SRGAP3: variants seen among roughly 807,000 people sequenced by gnomAD.
SRGAP3 encodes the protein SLIT-ROBO Rho GTPase-activating protein 3.
Under a neutral mutation model 121.1 loss-of-function variants are expected in SRGAP3, and 39 were observed. That is an observed-to-expected ratio of 0.32 (90% confidence interval 0.25 to 0.42). SRGAP3 has a LOEUF of 0.42. Among genes scored for constraint, SRGAP3 ranks in the 10% least tolerant of loss-of-function variants. The probability of loss-of-function intolerance (pLI) is 1.00; values close to 1 mark genes in which losing one functional copy is unlikely to be tolerated. For missense variants in SRGAP3, 1,213 were observed against 1,470.6 expected, an observed-to-expected ratio of 0.82 and a Z score of 2.86; for synonymous variants, 601 against 570.0, an observed-to-expected ratio of 1.05 and a Z score of -0.77.
chr3:9,068,046 C>T (rs1946512473), intron 4 of SRGAP3, among the ~76,000 whole-genome samples: 1 of 152,184 alleles, frequency 6.6e-6, no homozygotes, highest in African/African-American at 2.4e-5. Flanking sequence ...CCCTCCACAT[C>T]CACAGACAAC....
chr3:9,124,917 T>C lies in SRGAP3; in HGVS notation c.68A>G (p.Glu23Gly), dbSNP rs1478652467. The C allele has an allele frequency of 6.2e-7, 1 of 1,614,042 alleles. No homozygotes were observed. The highest frequency in any genetic ancestry group is 8.5e-7 in the Non-Finnish European group (1 of 1,180,026). The change falls in exon 2 of 22, where the codon GAG becomes GGG. Residue 23 changes from glutamate (E) to glycine (G), a missense_variant and splice_region_variant. Transcript: ENST00000383836. The part of the protein sequence containing the change: ...IIAEYEAQIK[E>G]IRTQLVEQFK... ...CTGCTCCACCAGCTGCGTGCGGATC[T>C]CTGCGGGCACACAAGGGTAGGAGCA...
intron 1 of SRGAP3, among the ~76,000 whole-genome samples, chr3:9,129,829 T>G (rs570279203): frequency 8.2e-4 from 124 of 151,934 alleles, no homozygotes; most frequent in Non-Finnish European, 1.3e-3. Context: ...TGGCGCCATC[T>G]CAACTCACTG....
intron 3 of SRGAP3, among the ~76,000 whole-genome samples, chr3:9,277,557 G>A (rs1259668883): frequency 2.2e-5 from 3 of 137,900 alleles, no homozygotes; most frequent in Non-Finnish European, 4.6e-5. Context: ...GCAGTGAACC[G>A]AGATCACACC....
At chr3:9,133,876 G>C (rs1366919516) in intron 1 of SRGAP3, among the ~76,000 whole-genome samples, 3 of 152,158 alleles carry the variant, frequency 2.0e-5, no homozygotes, top group African/African-American at 7.2e-5. Context: ...TTGGAGACGG[G>C]GAGTGGTAGG....
intron 4 of SRGAP3, among the ~76,000 whole-genome samples, chr3:9,066,967 T>C (rs978826136): frequency 6.6e-6 from 1 of 152,214 alleles, no homozygotes; most frequent in African/African-American, 2.4e-5. Flanking sequence ...CTGTGTGACC[T>C]TGGACAAGTC....
intron 4 of SRGAP3, among the ~76,000 whole-genome samples, chr3:9,068,559 G>T (rs1404538596): frequency 6.6e-6 from 1 of 152,050 alleles, no homozygotes; most frequent in Non-Finnish European, 1.5e-5. Context: ...CACTGCCGAG[G>T]GTGACTTATG....
intron 1 of SRGAP3, among the ~76,000 whole-genome samples, chr3:9,232,281 T>A (rs1226896344): frequency 1.3e-5 from 2 of 152,190 alleles, no homozygotes; most frequent in Non-Finnish European, 2.9e-5. Flanking sequence ...CCTTACTTAC[T>A]GTCAACTTCG....
intron 1 of SRGAP3, chr3:9,217,216 TA>T (rs1175357629): frequency 6.6e-5 from 10 of 152,236 alleles, no homozygotes; most frequent in African/African-American, 2.4e-4. Flanking sequence ...TGGCACTCGT[TA>T]ACTGAGTTCC....
intron 1 of SRGAP3, among the ~76,000 whole-genome samples, chr3:9,247,198 C>A (rs1264344718): frequency 6.6e-6 from 1 of 152,130 alleles, no homozygotes; most frequent in Non-Finnish European, 1.5e-5. Context: ...CATAAACTCC[C>A]TAAAAAGAGT....
intron 2 of SRGAP3, among the ~76,000 whole-genome samples, chr3:9,106,596 T>G (rs768845007): frequency 7.2e-4 from 109 of 152,264 alleles, no homozygotes; most frequent in Non-Finnish European, 1.4e-3. Flanking sequence ...GGCCAGTCTT[T>G]CCCGTGCTAT....
At chr3:9,131,730 C>G (rs892316183) in intron 1 of SRGAP3, among the ~76,000 whole-genome samples, 5 of 152,162 alleles carry the variant, frequency 3.3e-5, no homozygotes, top group Non-Finnish European at 7.3e-5. Flanking sequence ...GCATAAGCCA[C>G]TGCACCCGGC....
At chr3:9,339,712 G>C (rs951622429) in intron 1 of SRGAP3, among the ~76,000 whole-genome samples, 1 of 152,138 alleles carries the variant, frequency 6.6e-6, no homozygotes, top group African/African-American at 2.4e-5. Context: ...CCCTGGGTGG[G>C]CCAAATAAAA....
chr3:9,129,514 C>T (rs1949361332), intron 1 of SRGAP3, among the ~76,000 whole-genome samples: 1 of 150,292 alleles, frequency 6.7e-6, no homozygotes, highest in Non-Finnish European at 1.5e-5. Context: ...TCAGAGCCCA[C>T]ATAAAGCACT....
chr3:9,326,674 TTTGAC>T (rs1955525003), intron 2 of SRGAP3, among the ~76,000 whole-genome samples: 1 of 151,822 alleles, frequency 6.6e-6, no homozygotes, highest in Non-Finnish European at 1.5e-5. Flanking sequence ...TCACAGGTAA[TTTGAC>T]TTAAGACCAT....
At chr3:9,280,189 C>T (rs1009569298) in intron 3 of SRGAP3, among the ~76,000 whole-genome samples, 43 of 152,194 alleles carry the variant, frequency 2.8e-4, no homozygotes, top group African/African-American at 1.0e-3. Flanking sequence ...TGACTCATGG[C>T]GACCAAGCAA....
intron 3 of SRGAP3, among the ~76,000 whole-genome samples, chr3:9,300,718 T>C (rs1955041118): frequency 6.6e-6 from 1 of 152,174 alleles, no homozygotes; most frequent in African/African-American, 2.4e-5. Context: ...TATTTCATGA[T>C]GTTTGAAGAC....
intron 3 of SRGAP3, among the ~76,000 whole-genome samples, chr3:9,280,035 T>C (rs1257799420): frequency 2.6e-5 from 4 of 151,962 alleles, no homozygotes; most frequent in Admixed American, 6.6e-5. Flanking sequence ...GGACAGCTTG[T>C]CCCCCTTAAA....
intron 3 of SRGAP3, among the ~76,000 whole-genome samples, chr3:9,316,986 T>C (rs1185103413): frequency 6.6e-6 from 1 of 152,152 alleles, no homozygotes; most frequent in Non-Finnish European, 1.5e-5. Flanking sequence ...AATTCAATTC[T>C]GTAGGCCACC....
intron 4 of SRGAP3, among the ~76,000 whole-genome samples, chr3:9,076,078 A>T (rs1278752027): frequency 6.6e-6 from 1 of 152,196 alleles, no homozygotes; most frequent in Non-Finnish European, 1.5e-5. Flanking sequence ...CACAAGCAGA[A>T]GCTTGAAAAG....
Sources: allele counts gnomAD v4.1 joint callset (sites outside exome capture counted in the v4.1 genomes callset), GRCh38; gene constraint gnomAD v4.1.1; transcripts MANE v1.5; gene names NCBI Gene and HGNC (gene_info 2026-07-23, HGNC 2026-07-21).